Variants in GRAP2 observed in about 807,000 individuals in gnomAD.
The protein encoded by GRAP2 is GRB2 related adaptor protein 2.
GRAP2 carries 31 observed loss-of-function variants against 43.5 expected under a neutral mutation model. The observed-to-expected ratio is 0.71, with a 90% CI of 0.54 to 0.96. GRAP2 has a LOEUF of 0.96. GRAP2 is among the 40% of genes least tolerant of loss of function. The probability of loss-of-function intolerance (pLI) is 0.00; values close to 1 mark genes in which losing one functional copy is unlikely to be tolerated. For synonymous variants in GRAP2, 156 were observed against 164.8 expected (o/e 0.95, Z 0.41); for missense variants, 371 against 424.4 (o/e 0.87, Z 1.11).
In GRAP2 at chr22:39,904,790, G is replaced by A. The variant is rs1280733078; in HGVS notation, c.-15+3460G>A. ...AAAATAAGAACATATTTTGCAGTTGGGTCTCATGCTTCTTTCTTCAACATT... is the reference window on the plus strand; with the variant it reads ...AAAATAAGAACATATTTTGCAGTTGAGTCTCATGCTTCTTTCTTCAACATT... On this transcript the variant is annotated intron_variant, in intron 1 of 7. Coordinates refer to ENST00000344138, the MANE Select transcript of GRAP2 (RefSeq NM_004810.4). Among the ~76,000 whole-genome samples the A allele has an allele frequency of 2.6e-5, 4 of 152,022 alleles. No individual in the cohort carries two copies. In the East Asian group the frequency reaches 5.8e-4, roughly 22 times the overall value.
At chr22:39,904,960 T>G (rs1305838721) in intron 1 of GRAP2, among the ~76,000 whole-genome samples, 3 of 152,202 alleles carry the variant, frequency 2.0e-5, no homozygotes, top group Non-Finnish European at 2.9e-5. Context: ...TGATTTTGAT[T>G]GAACGTTTTT....
At chr22:39,912,735 G>A (rs1476142345) in intron 1 of GRAP2, among the ~76,000 whole-genome samples, 1 of 152,184 alleles carries the variant, frequency 6.6e-6, no homozygotes, top group Non-Finnish European at 1.5e-5. Flanking sequence ...CACGTGGCAT[G>A]TCACTATATG....
rs190826937 is a variant in GRAP2 at position 39,926,632 on chromosome 22, A to C, written c.-14-20461A>C. ...TTCTATGCTGGACCGGTTCGTGTTA[A>C]GTCTGAGTTCCTCAATCGCTGGCTC... On this transcript the variant is annotated intron_variant, in intron 1 of 7. Transcript: ENST00000344138. The C allele has an allele frequency of 9.1e-6, 9 of 985,374 alleles. No individual in the cohort carries two copies. The African/African-American group carries it at 1.6e-4, about 17-fold the overall frequency. The allele number at this position is 985,374 out of a possible 1,614,324, so 61.0% of individuals were successfully genotyped here. A position where few individuals can be genotyped will look rare whatever the true frequency, so the allele number is the denominator to read the frequency against.
chr22:39,926,631 A>G, intron 1 of GRAP2: 2 of 985,358 alleles, frequency 2.0e-6, no homozygotes, highest in Non-Finnish European at 2.4e-6. Context: ...GGTTCGTGTT[A>G]AGTCTGAGTT....
At chr22:39,959,637 C>G (rs2067094963) in intron 3 of GRAP2, among the ~76,000 whole-genome samples, 1 of 152,184 alleles carries the variant, frequency 6.6e-6, no homozygotes, top group African/African-American at 2.4e-5. Flanking sequence ...CAGCCGGCTG[C>G]ACCTGGTTGG....
In GRAP2 at chr22:39,971,065, T is replaced by C; in HGVS notation, c.974T>C (p.Val325Ala). ...NKLGLFPANY[V>A]APMTR is the part of the protein sequence containing the mutation. Reference sequence around the variant, plus strand: ...CTGGGCCTCTTCCCTGCCAACTACGTGGCACCCATGACCCGATAAACTCTT... The same window carrying C: ...CTGGGCCTCTTCCCTGCCAACTACGCGGCACCCATGACCCGATAAACTCTT... The change falls in exon 8 of 8, where the codon GTG becomes GCG. Residue 325 changes from valine to alanine, a missense_variant. Coordinates refer to ENST00000344138, the MANE Select transcript of GRAP2 (RefSeq NM_004810.4). The C allele has an allele frequency of 6.2e-7, 1 of 1,613,466 alleles. No individual in the cohort carries two copies. The highest frequency in any genetic ancestry group is 8.5e-7 in the Non-Finnish European group (1 of 1,179,702).
chr22:39,907,596 G>T (rs1256080133), intron 1 of GRAP2, among the ~76,000 whole-genome samples: 1 of 151,876 alleles, frequency 6.6e-6, no homozygotes, highest in Non-Finnish European at 1.5e-5. Flanking sequence ...TAAAAAATTA[G>T]CCAGGCCCAG....
intron 1 of GRAP2, chr22:39,926,692 GAGTC>G (rs2066703916): frequency 1.0e-6 from 1 of 985,236 alleles, no homozygotes; most frequent in Non-Finnish European, 1.2e-6. Context: ...TGCCATGCAT[GAGTC>G]GGGGGATTGG....
chr22:39,968,564 A>G (rs558680001), intron 6 of GRAP2: 2 of 477,136 alleles, frequency 4.2e-6, no homozygotes, highest in Non-Finnish European at 7.4e-6. Flanking sequence ...TCATTTTCCT[A>G]TCAGCACAAT....
Position 39,950,026 on chromosome 22 carries a change from T to C in GRAP2, c.78+2842T>C, listed in dbSNP as rs114243034. 7.4e-3 allele frequency among the ~76,000 whole-genome samples: 1,134 copies of C among 152,280 alleles called. 15 individuals carry two copies. Among genetic ancestry groups the C allele is most frequent in the African/African-American group, 0.025 (1,032 of 41,534 alleles). ...GCCCCAAACCACTGTCCAGTGTCAT[T>C]ATGCACATGTACACATGTGTGCACA... On this transcript the variant is annotated intron_variant, in intron 2 of 7. Transcript: ENST00000344138.
chr22:39,914,969 A>C (rs2066592706), intron 1 of GRAP2, among the ~76,000 whole-genome samples: 1 of 151,932 alleles, frequency 6.6e-6, no homozygotes, highest in Non-Finnish European at 1.5e-5. Flanking sequence ...CAGGTGGATC[A>C]CTCGAAGTCT....
intron 1 of GRAP2, among the ~76,000 whole-genome samples, chr22:39,920,303 G>A (rs2066638526): frequency 6.6e-6 from 1 of 152,140 alleles, no homozygotes; most frequent in African/African-American, 2.4e-5. Context: ...TGAATGTCAG[G>A]CACTATCAAG....
At chr22:39,925,249 A>G (rs2066687329) in intron 1 of GRAP2, among the ~76,000 whole-genome samples, 1 of 152,224 alleles carries the variant, frequency 6.6e-6, no homozygotes, top group Non-Finnish European at 1.5e-5. Flanking sequence ...TTCAGACTTG[A>G]GATCATGAGA....
At chr22:39,959,153 C>T (rs528338489) in intron 3 of GRAP2, among the ~76,000 whole-genome samples, 2 of 152,310 alleles carry the variant, frequency 1.3e-5, no homozygotes, top group East Asian at 3.9e-4. Context: ...ATTGCAGACA[C>T]TCATTTTGCT....
chr22:39,909,818 A>T, intron 1 of GRAP2, among the ~76,000 whole-genome samples: 1 of 152,248 alleles, frequency 6.6e-6, no homozygotes, highest in Non-Finnish European at 1.5e-5. Context: ...GAGATGGTTT[A>T]GCAAGCAGGC....
chr22:39,896,802 G>T (rs1459563702), upstream of GRAP2, among the ~76,000 whole-genome samples: 3 of 152,126 alleles, frequency 2.0e-5, no homozygotes, highest in Non-Finnish European at 2.9e-5. Flanking sequence ...GCACAATTTA[G>T]TTGCAATACC....
chr22:39,899,572 G>A (rs2066480227), upstream of GRAP2, among the ~76,000 whole-genome samples: 2 of 87,416 alleles, frequency 2.3e-5, no homozygotes, highest in African/African-American at 1.9e-4. Flanking sequence ...GTAGCAAGAT[G>A]TTGTTATTTT....
intron 1 of GRAP2, among the ~76,000 whole-genome samples, chr22:39,936,012 G>A (rs926328521): frequency 6.6e-6 from 1 of 152,036 alleles, no homozygotes; most frequent in African/African-American, 2.4e-5. Flanking sequence ...CAAACATTAA[G>A]TGAACAGAAG....
At chr22:39,956,036 C>T (rs768432360) in intron 3 of GRAP2, 126 bp downstream of exon 3, 73 of 628,268 alleles carry the variant, frequency 1.2e-4, no homozygotes, top group Middle Eastern at 4.1e-4. Flanking sequence ...GGAGCTCTCT[C>T]CGGAGAGCCT....
Sources: gnomAD v4.1 joint callset for allele counts (sites outside exome capture counted in the v4.1 genomes callset) on GRCh38, gnomAD v4.1.1 for gene constraint, MANE v1.5 for transcripts, NCBI Gene and HGNC (gene_info 2026-07-23, HGNC 2026-07-21) for gene names.